NELL1: variants seen among roughly 807,000 people sequenced by gnomAD.
NELL1 encodes the protein neural EGFL like 1.
A neutral mutation model predicts 107.4 loss-of-function variants in NELL1; 76 were observed. The ratio of observed to expected loss-of-function variants is 0.71; its 90% CI spans 0.59 to 0.86. The LOEUF (loss-of-function observed/expected upper bound fraction) is 0.86, where lower values mean the gene tolerates loss of function less well. NELL1 is among the 40% of genes least tolerant of loss of function. The pLI, the probability that NELL1 is intolerant of heterozygous loss-of-function variation, is 0.00. For synonymous variants in NELL1, 353 were observed against 341.2 expected (o/e 1.03, Z -0.38); for missense variants, 1,024 against 1,005.5 (o/e 1.02, Z -0.25).
chr11:21,566,648 G>T (rs10766834), intron 17 of NELL1, among the ~76,000 whole-genome samples: 62,535 of 151,446 alleles, frequency 0.41, 13,998 homozygotes, highest in Non-Finnish European at 0.5. Context: ...ACCCAAGTTA[G>T]GATAGAGATC....
chr11:21,554,645 A>G (rs777135229), intron 16 of NELL1, among the ~76,000 whole-genome samples: 5 of 151,924 alleles, frequency 3.3e-5, no homozygotes, highest in Non-Finnish European at 5.9e-5. Context: ...AATAGTGACT[A>G]ATCATTTTTG....
chr11:20,752,985 T>C (rs892976391), intron 2 of NELL1, among the ~76,000 whole-genome samples: 1 of 152,238 alleles, frequency 6.6e-6, no homozygotes, highest in Admixed American at 6.5e-5. Context: ...ACACACACTT[T>C]TCCTTATTTG....
Position 21,391,290 on chromosome 11 carries a change from G to T in NELL1, c.1645+20342G>T, listed in dbSNP as rs74970980. ...TTTCTCTCTCTGAGAAACTGTGGCC[G>T]TTTTTTCATCCTCAGGAAATTTGAT... On this transcript the variant is annotated intron_variant, in intron 15 of 19. Transcript: ENST00000357134. Among the ~76,000 whole-genome samples the T allele has an allele frequency of 5.3e-5, 8 of 151,732 alleles. No individual in the cohort carries two copies. The East Asian group carries it at 1.4e-3, about 26-fold the overall frequency.
At chr11:21,383,127 T>C (rs1851649248) in intron 15 of NELL1, among the ~76,000 whole-genome samples, 1 of 152,012 alleles carries the variant, frequency 6.6e-6, no homozygotes, top group Non-Finnish European at 1.5e-5. Flanking sequence ...TTGCATCATT[T>C]GCTCCTAGTA....
At chr11:21,455,349 G>C in intron 15 of NELL1, among the ~76,000 whole-genome samples, 1 of 129,412 alleles carries the variant, frequency 7.7e-6, no homozygotes, top group East Asian at 2.3e-4. Context: ...ATGAGAGAGA[G>C]AGAGACACGG....
intron 14 of NELL1, among the ~76,000 whole-genome samples, chr11:21,352,998 G>C (rs558106303): frequency 6.6e-6 from 1 of 152,294 alleles, no homozygotes; most frequent in Admixed American, 6.5e-5. Flanking sequence ...TATGGGAGAA[G>C]CACTTTAAAG....
intron 12 of NELL1, among the ~76,000 whole-genome samples, chr11:21,039,187 T>A (rs1349698614): frequency 1.3e-5 from 2 of 149,666 alleles, no homozygotes; most frequent in African/African-American, 4.9e-5. Flanking sequence ...TTTCTTTTTC[T>A]TTTTTTTTTC....
chr11:20,826,185 G>A (rs554053826), intron 3 of NELL1, among the ~76,000 whole-genome samples: 3 of 151,284 alleles, frequency 2.0e-5, no homozygotes, highest in South Asian at 2.1e-4. Flanking sequence ...TCTCGGGTAC[G>A]TCTTTATTAG....
Position 21,195,519 on chromosome 11 carries a change from A to G in NELL1, c.1427-33813A>G, listed in dbSNP as rs117490562. Among the ~76,000 whole-genome samples, 543 of 151,744 alleles carry G rather than the reference A, an allele frequency of 3.6e-3. 2 individuals carry two copies. Among genetic ancestry groups the G allele is most frequent in the Non-Finnish European group, 5.8e-3 (394 of 67,962 alleles). ...CTGCTCTGCAGAGTCCAATAGATAC[A>G]TAATGCAAGATACAGATATAATTTT... On this transcript the variant is annotated intron_variant, in intron 13 of 19. Coordinates refer to ENST00000357134, the MANE Select transcript of NELL1 (RefSeq NM_006157.5).
chr11:20,915,262 A>G (rs1262558338), intron 5 of NELL1, among the ~76,000 whole-genome samples: 1 of 151,966 alleles, frequency 6.6e-6, no homozygotes, highest in African/African-American at 2.4e-5. Context: ...CTTGCTCCAA[A>G]AGAAGCAAAT....
intron 14 of NELL1, among the ~76,000 whole-genome samples, chr11:21,277,973 C>T (rs1372517537): frequency 6.6e-6 from 1 of 152,034 alleles, no homozygotes; most frequent in Non-Finnish European, 1.5e-5. Context: ...GGGTGCAGCA[C>T]ACCAACATGG....
chr11:20,790,682 C>T (rs1307461849), intron 3 of NELL1, among the ~76,000 whole-genome samples: 2 of 152,006 alleles, frequency 1.3e-5, no homozygotes, highest in Admixed American at 1.3e-4. Context: ...AGGTCTAGAT[C>T]TGCAGCCATG....
At chr11:21,070,217 C>G (rs573034693) in intron 12 of NELL1, among the ~76,000 whole-genome samples, 1 of 152,092 alleles carries the variant, frequency 6.6e-6, no homozygotes, top group South Asian at 2.1e-4. Flanking sequence ...GAAGAAAACT[C>G]AAAGGCAGCT....
At chr11:20,967,972 G>T (rs1851420029) in intron 12 of NELL1, among the ~76,000 whole-genome samples, 1 of 152,000 alleles carries the variant, frequency 6.6e-6, no homozygotes, top group African/African-American at 2.4e-5. Context: ...CCCTCCAATA[G>T]GCCTGTGCAG....
intron 2 of NELL1, among the ~76,000 whole-genome samples, chr11:20,741,379 G>C (rs935904746): frequency 1.2e-4 from 19 of 152,080 alleles, no homozygotes; most frequent in African/African-American, 4.6e-4. Flanking sequence ...GTGTCATACT[G>C]TGTCACCTGG....
At chr11:20,874,510 T>C (rs901589697) in intron 4 of NELL1, among the ~76,000 whole-genome samples, 8 of 152,360 alleles carry the variant, frequency 5.3e-5, no homozygotes, top group African/African-American at 1.9e-4. Context: ...CATCTGTCAA[T>C]TGAGTATAGC....
rs1850521908 is a variant in NELL1, at chr11:20,927,373, G to C, written c.825G>C (p.Val275=). The part of the protein sequence containing the change: ...ENCHCEKTCQ[V]SGLLYRDQDS... The stretch of plus-strand genomic sequence containing the variant: ...GTCATTGTGAGAAGACTTGTCAAGT[G>C]AGTGGACTGCTCTATCGAGATCAAG... Residue 275 remains valine (V), a synonymous_variant, in exon 8 of 20, where the codon GTG becomes GTC. Coordinates refer to ENST00000357134, the MANE Select transcript of NELL1 (RefSeq NM_006157.5). 6.2e-7 allele frequency: 1 copy of C among 1,613,454 alleles called. No individual in the cohort carries two copies. Among genetic ancestry groups the C allele is most frequent in the Non-Finnish European group, 8.5e-7 (1 of 1,179,686 alleles).
chr11:21,080,549 T>C (rs1157986990), intron 12 of NELL1, among the ~76,000 whole-genome samples: 4 of 152,114 alleles, frequency 2.6e-5, no homozygotes, highest in African/African-American at 9.7e-5. Context: ...GTATTCTTAG[T>C]GTGGCTGTGG....
Position 20,824,400 on chromosome 11 carries a change from C to A in NELL1, c.336-23183C>A, listed in dbSNP as rs562859886. ...GAGTGGGTTGCTGCCATAAGGATACCTGAAAATGTGGAAGCAACTTTGAAA... is the reference window on the plus strand; with the variant it reads ...GAGTGGGTTGCTGCCATAAGGATACATGAAAATGTGGAAGCAACTTTGAAA... On this transcript the variant is annotated intron_variant, in intron 3 of 19. Transcript: ENST00000357134. Among the ~76,000 whole-genome samples, 195 of 151,216 alleles carry A rather than the reference C, an allele frequency of 1.3e-3. 3 individuals carry two copies. Among genetic ancestry groups the A allele is most frequent in the Non-Finnish European group, 3.6e-4 (24 of 67,538 alleles).
Sources: gnomAD v4.1 joint callset for allele counts (sites outside exome capture counted in the v4.1 genomes callset) on GRCh38, gnomAD v4.1.1 for gene constraint, MANE v1.5 for transcripts, NCBI Gene and HGNC (gene_info 2026-07-23, HGNC 2026-07-21) for gene names.